TLE1: variants seen among roughly 807,000 people sequenced by gnomAD.
TLE1 encodes TLE family member 1, transcriptional corepressor.
A neutral mutation model predicts 89.8 loss-of-function variants in TLE1; 21 were observed. The observed-to-expected ratio is 0.23, with a 90% CI of 0.17 to 0.34. TLE1 has a LOEUF of 0.34. TLE1 is among the 10% of genes least tolerant of loss of function. The pLI is 1.00. For missense variants in TLE1, 795 were observed against 1,031.2 expected (o/e 0.77, Z 3.14); for synonymous variants, 447 against 407.6 (o/e 1.10, Z -1.16).
At chr9:81,600,426 CTG>C (rs1830758198) in intron 14 of TLE1, among the ~76,000 whole-genome samples, 1 of 152,044 alleles carries the variant, frequency 6.6e-6, no homozygotes, top group African/African-American at 2.4e-5. Context: ...GGAGGATCCC[CTG>C]AGCTCAGGAG....
intron 17 of TLE1, among the ~76,000 whole-genome samples, chr9:81,586,989 C>T (rs1207275025): frequency 1.3e-5 from 2 of 152,242 alleles, no homozygotes; most frequent in African/African-American, 4.8e-5. Flanking sequence ...AAGTCATGAT[C>T]GAAAGAACAA....
At chr9:81,675,823 C>T (rs1258496471) in intron 4 of TLE1, among the ~76,000 whole-genome samples, 1 of 151,708 alleles carries the variant, frequency 6.6e-6, no homozygotes, top group Non-Finnish European at 1.5e-5. Context: ...GCCTCAGCCT[C>T]CCGAGTAGCT....
At chr9:81,644,169 G>A (rs1387550677) in intron 6 of TLE1, among the ~76,000 whole-genome samples, 1 of 152,170 alleles carries the variant, frequency 6.6e-6, no homozygotes, top group East Asian at 1.9e-4. Context: ...AGCCGCTTTG[G>A]AAAACAGTCT....
At chr9:81,683,805 G>T (rs1833916056) in intron 4 of TLE1, among the ~76,000 whole-genome samples, 1 of 152,086 alleles carries the variant, frequency 6.6e-6, no homozygotes, top group African/African-American at 2.4e-5. Context: ...CTCACGGACA[G>T]ACAGTATATA....
intron 4 of TLE1, among the ~76,000 whole-genome samples, chr9:81,681,487 T>G (rs532911861): frequency 6.0e-5 from 9 of 151,092 alleles, no homozygotes; most frequent in African/African-American, 2.0e-4. Flanking sequence ...GAGGCGGAGG[T>G]TGCAGTGAGC....
chr9:81,594,352 A>G (rs1312628787), intron 14 of TLE1, among the ~76,000 whole-genome samples: 10 of 104,020 alleles, frequency 9.6e-5, no homozygotes, highest in Admixed American at 9.1e-4. Context: ...ATGCAGCCAT[A>G]AAAAAAAGGA....
intron 17 of TLE1, among the ~76,000 whole-genome samples, chr9:81,587,182 G>A (rs1383647152): frequency 6.6e-6 from 1 of 152,154 alleles, no homozygotes; most frequent in Non-Finnish European, 1.5e-5. Context: ...AATAAAATGG[G>A]TATCACTGAG....
At chr9:81,653,950 T>C (rs1292245431) in intron 5 of TLE1, 24 bp downstream of exon 5, 1 of 1,611,382 alleles carries the variant, frequency 6.2e-7, no homozygotes. Flanking sequence ...AATTGCACTT[T>C]AACAGCTGAA....
At chr9:81,623,900 A>C (rs1825597687) in intron 8 of TLE1, among the ~76,000 whole-genome samples, 1 of 152,174 alleles carries the variant, frequency 6.6e-6, no homozygotes, top group South Asian at 2.1e-4. Context: ...GCAACCACTG[A>C]GACATTTCGT....
intron 4 of TLE1, among the ~76,000 whole-genome samples, chr9:81,664,317 A>G (rs1831190834): frequency 6.6e-6 from 1 of 152,058 alleles, no homozygotes; most frequent in Admixed American, 6.6e-5. Flanking sequence ...TGATACACAC[A>G]AAACACTGCA....
chr9:81,609,679 C>T (rs1270639108), intron 14 of TLE1, among the ~76,000 whole-genome samples: 5 of 152,174 alleles, frequency 3.3e-5, no homozygotes, highest in Admixed American at 6.5e-5. Flanking sequence ...TCTTGGAGCA[C>T]TCATCAAAAC....
chr9:81,671,706 CT>C (rs1832251402), intron 4 of TLE1, among the ~76,000 whole-genome samples: 1 of 152,072 alleles, frequency 6.6e-6, no homozygotes, highest in Non-Finnish European at 1.5e-5. Context: ...TTGAAACCTC[CT>C]TATACTTCCT....
At chr9:81,593,392 T>C (rs893496980) in intron 14 of TLE1, 118 bp from the exon 15 acceptor site, 1 of 1,336,592 alleles carries the variant, frequency 7.5e-7, no homozygotes, top group Non-Finnish European at 1.0e-6. Context: ...TTCTCTTGTA[T>C]AGTTTCCTTT....
chr9:81,659,670 T>C (rs1323909565), intron 4 of TLE1, among the ~76,000 whole-genome samples: 1 of 152,158 alleles, frequency 6.6e-6, no homozygotes. Flanking sequence ...TCCTCACTGA[T>C]TTGCATATGG....
At chr9:81,660,386 T>C (rs1398284301) in intron 4 of TLE1, among the ~76,000 whole-genome samples, 2 of 151,660 alleles carry the variant, frequency 1.3e-5, no homozygotes, top group South Asian at 4.2e-4. Context: ...ATAAAATTCA[T>C]GTACATGTAT....
At chr9:81,652,753 C>T (rs1829710129) in intron 5 of TLE1, among the ~76,000 whole-genome samples, 1 of 151,998 alleles carries the variant, frequency 6.6e-6, no homozygotes, top group South Asian at 2.1e-4. Context: ...CCAGCATGGG[C>T]AACATGGCAG....
chr9:81,622,900 G>A (rs1260389288), intron 8 of TLE1, among the ~76,000 whole-genome samples: 1 of 152,106 alleles, frequency 6.6e-6, no homozygotes, highest in Non-Finnish European at 1.5e-5. Flanking sequence ...CGCAGCTGCC[G>A]GACGCCCGGC....
At chr9:81,648,367 G>A (rs1477408755) in intron 6 of TLE1, among the ~76,000 whole-genome samples, 1 of 151,944 alleles carries the variant, frequency 6.6e-6, no homozygotes, top group African/African-American at 2.4e-5. Context: ...AGGAGAAGGG[G>A]AAAAACTGTA....
At chr9:81,598,319 G>A (rs972859189) in intron 14 of TLE1, among the ~76,000 whole-genome samples, 2 of 151,848 alleles carry the variant, frequency 1.3e-5, no homozygotes, top group Admixed American at 6.6e-5. Context: ...GTTCCCTCCC[G>A]CTAGAACAGC....
Sources: gnomAD v4.1 joint callset for allele counts (sites outside exome capture counted in the v4.1 genomes callset) on GRCh38, gnomAD v4.1.1 for gene constraint, MANE v1.5 for transcripts, NCBI Gene and HGNC (gene_info 2026-07-23, HGNC 2026-07-21) for gene names.